CEP162: variants seen among roughly 807,000 people sequenced by gnomAD.
CEP162 encodes the protein centrosomal protein 162.
Under a neutral mutation model 169.2 loss-of-function variants are expected in CEP162, and 141 were observed. The observed-to-expected ratio is 0.83, with a 90% CI of 0.73 to 0.96. CEP162 has a LOEUF of 0.96. CEP162 is among the 40% of genes least tolerant of loss of function. The probability of loss-of-function intolerance (pLI) is 0.00; values close to 1 mark genes in which losing one functional copy is unlikely to be tolerated. For missense variants in CEP162, 1,600 were observed against 1,587.2 expected, an observed-to-expected ratio of 1.01 and a Z score of -0.14; for synonymous variants, 540 against 526.4, an observed-to-expected ratio of 1.03 and a Z score of -0.35.
chr6:84,204,174 G>A (rs970108300), intron 6 of CEP162, 78 bp from the exon 7 acceptor site: 15 of 797,864 alleles, frequency 1.9e-5, no homozygotes, highest in South Asian at 5.1e-5. Context: ...TGTTGATTTC[G>A]AAAGGAAGAA....
chr6:84,187,406 A>G (rs1439266523), intron 11 of CEP162, among the ~76,000 whole-genome samples: 1 of 152,214 alleles, frequency 6.6e-6, no homozygotes, highest in Non-Finnish European at 1.5e-5. Context: ...CCATTTTCAT[A>G]TAATGTAGAT....
intron 10 of CEP162, 141 bp downstream of exon 10, chr6:84,194,743 C>A (rs530111410): frequency 2.6e-5 from 18 of 690,268 alleles, no homozygotes; most frequent in Non-Finnish European, 4.2e-5. Flanking sequence ...TCAGCCACCT[C>A]GCCTGGCTGA....
chr6:84,182,254 T>C (rs1214364033), intron 13 of CEP162, among the ~76,000 whole-genome samples: 1 of 152,090 alleles, frequency 6.6e-6, no homozygotes, highest in Non-Finnish European at 1.5e-5. Flanking sequence ...TCTGGCTAAA[T>C]CATTGCAAGC....
chr6:84,135,977 G>A (rs1002187345), intron 25 of CEP162, among the ~76,000 whole-genome samples: 17 of 152,208 alleles, frequency 1.1e-4, no homozygotes, highest in African/African-American at 3.4e-4. Context: ...CTTTGCTAGA[G>A]GAATTGTGAG....
chr6:84,198,108 A>C (rs977625606), intron 9 of CEP162, among the ~76,000 whole-genome samples: 12 of 152,150 alleles, frequency 7.9e-5, no homozygotes, highest in African/African-American at 2.7e-4. Context: ...AATCTTTGAC[A>C]ATGTTTAAAG....
intron 21 of CEP162, 125 bp downstream of exon 21, chr6:84,160,687 T>C (rs1310634842): frequency 4.4e-5 from 27 of 620,512 alleles, no homozygotes. Flanking sequence ...CTTTTACTAA[T>C]GTAAATACTT....
chr6:84,165,534 A>G (rs1449384833), intron 18 of CEP162, among the ~76,000 whole-genome samples: 1 of 152,038 alleles, frequency 6.6e-6, no homozygotes, highest in Non-Finnish European at 1.5e-5. Context: ...ATTGTTTCCT[A>G]TGACACTGAT....
At chr6:84,200,470 CAT>C (rs1461224069) in intron 9 of CEP162, among the ~76,000 whole-genome samples, 1 of 152,184 alleles carries the variant, frequency 6.6e-6, no homozygotes, top group Non-Finnish European at 1.5e-5. Context: ...TTCTCCTACA[CAT>C]GGCAGATTTA....
rs1480050013 is a variant in CEP162 at position 84,215,297 on chromosome 6, A to C, written c.488T>G (p.Phe163Cys). 1 of 1,573,722 alleles carries C rather than the reference A, an allele frequency of 6.4e-7. No homozygotes were observed. The highest frequency in any genetic ancestry group is 1.3e-5 in the African/African-American group (1 of 74,128). ...KELDSNDSTH[F>C]KALHSNQANA... ...TGTACTTTACCTATGTAAAGCTTTAAAATGTGTAGAGTCATTAGAATCCAA... is the reference window on the plus strand; with the variant it reads ...TGTACTTTACCTATGTAAAGCTTTACAATGTGTAGAGTCATTAGAATCCAA... Residue 163 changes from phenylalanine to cysteine, a missense_variant, in exon 5 of 27, where the codon TTT becomes TGT. Transcript: ENST00000403245.
intron 25 of CEP162, among the ~76,000 whole-genome samples, chr6:84,141,413 C>T (rs2099516581): frequency 6.6e-6 from 1 of 152,166 alleles, no homozygotes; most frequent in African/African-American, 2.4e-5. Flanking sequence ...TTAACATCTA[C>T]ATCTGCTATA....
chr6:84,134,066 G>A (rs187487501), intron 25 of CEP162, among the ~76,000 whole-genome samples: 136 of 152,352 alleles, frequency 8.9e-4, no homozygotes, highest in Admixed American at 2.7e-3. Flanking sequence ...CAGAGAGGAG[G>A]AATCTAGAGA....
chr6:84,222,516 T>C (rs976170741), intron 2 of CEP162, among the ~76,000 whole-genome samples: 1 of 142,736 alleles, frequency 7.0e-6, no homozygotes, highest in African/African-American at 2.6e-5. Context: ...CTGCTCTATG[T>C]CAGGATCTAC....
At chr6:84,129,411 G>T (rs1033570001) in intron 25 of CEP162, among the ~76,000 whole-genome samples, 4 of 152,128 alleles carry the variant, frequency 2.6e-5, no homozygotes, top group African/African-American at 9.7e-5. Context: ...TCTCATTGTG[G>T]TTTTGATTTG....
chr6:84,154,388 C>G (rs930708277), intron 22 of CEP162, among the ~76,000 whole-genome samples: 1 of 148,258 alleles, frequency 6.7e-6, no homozygotes, highest in Non-Finnish European at 1.5e-5. Context: ...ACCTATCTAT[C>G]TATCTATCTA....
chr6:84,222,903 G>A (rs2099554263), intron 2 of CEP162, among the ~76,000 whole-genome samples: 1 of 152,228 alleles, frequency 6.6e-6, no homozygotes, highest in Non-Finnish European at 1.5e-5. Context: ...TAGGAAGACA[G>A]GAGGAGGGAA....
Position 84,226,411 on chromosome 6 carries a change from TC to T in CEP162, c.-19del. 1 of 1,552,026 alleles carries T rather than the reference TC, an allele frequency of 6.4e-7. No individual in the cohort carries two copies. Among genetic ancestry groups the T allele is most frequent in the Non-Finnish European group, 8.8e-7 (1 of 1,141,332 alleles). ...TTAGCCATAGTCAACAATTTTGACC[TC>T]CCAAAGTAAACATTCTAAAGTACCT... is the stretch of plus-strand genomic sequence containing the variant. On this transcript the variant is annotated 5_prime_UTR_variant, in exon 2 of 27. An upstream open reading frame in the 5' UTR loses its in-frame stop. Coordinates refer to ENST00000403245, the MANE Select transcript of CEP162 (RefSeq NM_014895.4).
chr6:84,152,789 C>T lies in CEP162; in HGVS notation c.3385G>A (p.Glu1129Lys). The T allele has an allele frequency of 1.9e-6, 3 of 1,613,462 alleles. No homozygotes were observed. Among genetic ancestry groups the T allele is most frequent in the Non-Finnish European group, 1.7e-6 (2 of 1,179,700 alleles). Residue 1129 changes from glutamate to lysine, a missense_variant, in exon 23 of 27, where the codon GAA (glutamate) becomes AAA (lysine). By Grantham distance (56) the Glu-to-Lys change is moderately conservative. Coordinates refer to ENST00000403245, the MANE Select transcript of CEP162 (RefSeq NM_014895.4). ...LSNQNSKGRE[E>K]MSAKRAKKDV... ...TTCTTTGCCCTTTTGGCAGACATTTCCTCTCTGCCCTTTGAGTTCTGATTT... is the reference window on the plus strand; with the variant it reads ...TTCTTTGCCCTTTTGGCAGACATTTTCTCTCTGCCCTTTGAGTTCTGATTT...
intron 22 of CEP162, among the ~76,000 whole-genome samples, 179 bp from the exon 23 acceptor site, chr6:84,153,358 A>G (rs2099521862): frequency 1.3e-5 from 2 of 152,210 alleles, no homozygotes; most frequent in East Asian, 1.9e-4. Context: ...CTTTCAGGGC[A>G]TAACATTATA....
intron 11 of CEP162, among the ~76,000 whole-genome samples, chr6:84,191,978 T>C (rs533975107): frequency 7.2e-5 from 11 of 152,310 alleles, no homozygotes; most frequent in African/African-American, 2.4e-4. Context: ...CGCAAAACCA[T>C]TCTCTTTCTT....
Sources: gnomAD v4.1 joint callset for allele counts (sites outside exome capture counted in the v4.1 genomes callset) on GRCh38, gnomAD v4.1.1 for gene constraint, MANE v1.5 for transcripts, NCBI Gene and HGNC (gene_info 2026-07-23, HGNC 2026-07-21) for gene names.